BIN3: variants seen among roughly 807,000 people sequenced by gnomAD.
The protein encoded by BIN3 is bridging integrator 3.
BIN3 carries 41 observed loss-of-function variants against 38.2 expected under a neutral mutation model. The ratio of observed to expected loss-of-function variants is 1.07; its 90% confidence interval spans 0.84 to 1.39. The LOEUF (loss-of-function observed/expected upper bound fraction) is 1.39, where lower values mean the gene tolerates loss of function less well. BIN3 is among the 40% of genes most tolerant of loss of function. BIN3 has a pLI of 0.00. For missense variants in BIN3, 361 were observed against 324.3 expected (o/e 1.11, Z -0.87); for synonymous variants, 145 against 122.6 (o/e 1.18, Z -1.21).
chr8:22,648,800 C>T (rs1281745229), intron 1 of BIN3, among the ~76,000 whole-genome samples: 4 of 152,146 alleles, frequency 2.6e-5, no homozygotes, highest in African/African-American at 7.2e-5. Context: ...GGGTTATAAT[C>T]TAATACATTA....
chr8:22,646,411 T>C (rs1045449271), intron 1 of BIN3, among the ~76,000 whole-genome samples: 10 of 152,040 alleles, frequency 6.6e-5, no homozygotes, highest in Non-Finnish European at 1.2e-4. Context: ...CCACACCCCC[T>C]TCTCCCTGAG....
chr8:22,635,562 C>T (rs1180593928), intron 4 of BIN3, among the ~76,000 whole-genome samples: 4 of 152,098 alleles, frequency 2.6e-5, no homozygotes, highest in Non-Finnish European at 5.9e-5. Context: ...ATGACAGGAG[C>T]GGACACCCCG....
At chr8:22,664,789 G>A (rs951706347) in intron 1 of BIN3, among the ~76,000 whole-genome samples, 6 of 152,234 alleles carry the variant, frequency 3.9e-5, no homozygotes, top group East Asian at 1.9e-4. Context: ...ACATAAGCAT[G>A]AAGTCAGACA....
At chr8:22,643,498 G>A (rs1173012394) in intron 2 of BIN3, among the ~76,000 whole-genome samples, 4 of 152,120 alleles carry the variant, frequency 2.6e-5, no homozygotes, top group Non-Finnish European at 5.9e-5. Flanking sequence ...TGGTAGAGTC[G>A]GGGTCTCTCT....
intron 1 of BIN3, among the ~76,000 whole-genome samples, chr8:22,649,010 G>T (rs926287499): frequency 2.6e-5 from 4 of 152,074 alleles, no homozygotes; most frequent in African/African-American, 9.7e-5. Flanking sequence ...TACATTTCCT[G>T]CCTCAGCCCT....
intron 1 of BIN3, among the ~76,000 whole-genome samples, chr8:22,666,315 G>A (rs1302546264): frequency 1.4e-5 from 2 of 143,864 alleles, no homozygotes; most frequent in Admixed American, 7.1e-5. Context: ...GGGGAAAAGG[G>A]AGACAAGAGG....
chr8:22,662,272 C>T (rs1204844456), intron 1 of BIN3, among the ~76,000 whole-genome samples: 1 of 152,214 alleles, frequency 6.6e-6, no homozygotes, highest in Non-Finnish European at 1.5e-5. Context: ...CTCCAATATA[C>T]ACCCCCTCCT....
chr8:22,668,952 A>G, intron 1 of BIN3, 92 bp downstream of exon 1: 1 of 1,512,190 alleles, frequency 6.6e-7, no homozygotes, highest in Non-Finnish European at 9.0e-7. Flanking sequence ...GTCGCGCGGG[A>G]CCGGAGGGAG....
At chr8:22,658,790 G>C (rs1803139134) in intron 1 of BIN3, among the ~76,000 whole-genome samples, 1 of 152,222 alleles carries the variant, frequency 6.6e-6, no homozygotes, top group Non-Finnish European at 1.5e-5. Flanking sequence ...TTGGGGGCGA[G>C]GGAGGTAAGG....
rs1802372698 is a variant in BIN3, at chr8:22,636,547, C to T, written c.138G>A (p.Lys46=). Residue 46 remains lysine (K), a synonymous_variant, in exon 4 of 9, where the codon AAG becomes AAA. Coordinates refer to ENST00000276416, the MANE Select transcript of BIN3 (RefSeq NM_018688.6). The part of the protein sequence containing the change: ...EQTRRLQKDM[K]KSTDADLAMS... Reference sequence around the variant, plus strand: ...TACCCAGGTCTGCGTCGGTGCTCTTCTTCATGTCTTTCTGCAGCCTCCGGG... The same window carrying T: ...TACCCAGGTCTGCGTCGGTGCTCTTTTTCATGTCTTTCTGCAGCCTCCGGG... The T allele has an allele frequency of 2.6e-6, 4 of 1,552,794 alleles. No homozygotes were observed. Among genetic ancestry groups the T allele is most frequent in the Admixed American group, 3.9e-5 (2 of 51,112 alleles).
chr8:22,629,477 A>C (rs1585180504), intron 6 of BIN3, among the ~76,000 whole-genome samples: 2 of 152,070 alleles, frequency 1.3e-5, no homozygotes, highest in Non-Finnish European at 2.9e-5. Flanking sequence ...AAGCTAGAGG[A>C]CCTTCCCGGG....
chr8:22,642,594 A>C (rs1477152660), intron 2 of BIN3, among the ~76,000 whole-genome samples: 1 of 152,238 alleles, frequency 6.6e-6, no homozygotes, highest in African/African-American at 2.4e-5. Flanking sequence ...GATGTAGTTA[A>C]CTGGGGACTT....
chr8:22,624,476 G>T, intron 6 of BIN3, 113 bp from the exon 7 acceptor site: 1 of 1,415,282 alleles, frequency 7.1e-7, no homozygotes, highest in Non-Finnish European at 9.6e-7. Flanking sequence ...TCTTGGAGGG[G>T]CGTCCTGGCC....
At chr8:22,623,301 C>T (rs1479212126) in intron 8 of BIN3, among the ~76,000 whole-genome samples, 2 of 152,186 alleles carry the variant, frequency 1.3e-5, no homozygotes, top group African/African-American at 2.4e-5. Context: ...TCCGTGTCCT[C>T]CCGTCCCCGA....
chr8:22,651,328 C>G (rs1563975327), intron 1 of BIN3, among the ~76,000 whole-genome samples: 1 of 152,234 alleles, frequency 6.6e-6, no homozygotes, highest in Non-Finnish European at 1.5e-5. Context: ...TCCGGACAGT[C>G]TGCCCTGCAA....
Position 22,644,727 on chromosome 8 carries a change from C to T in BIN3, c.57+28G>A, listed in dbSNP as rs747194585. ...AAGGCCATGTGATACAGAACTGAAT[C>T]TCACAGCAAAACAATCGAGTTACTC... On this transcript the variant is annotated intron_variant, in intron 2 of 8. Transcript: ENST00000276416. The T allele has an allele frequency of 1.2e-5, 19 of 1,606,124 alleles. No homozygotes were observed. The South Asian group carries it at 2.0e-4, about 17-fold the overall frequency.
chr8:22,645,039 A>G, intron 1 of BIN3: 2 of 481,084 alleles, frequency 4.2e-6, no homozygotes, highest in Admixed American at 6.6e-5. Flanking sequence ...GCCCCAGAAC[A>G]TCTTTGCTAC....
At chr8:22,651,599 T>C (rs1802892825) in intron 1 of BIN3, among the ~76,000 whole-genome samples, 1 of 152,204 alleles carries the variant, frequency 6.6e-6, no homozygotes, top group African/African-American at 2.4e-5. Context: ...CTGGACATAA[T>C]TTCTGCCAGA....
chr8:22,666,715 A>G (rs1803433293), intron 1 of BIN3, among the ~76,000 whole-genome samples: 1 of 152,178 alleles, frequency 6.6e-6, no homozygotes. Context: ...AATATTGGAC[A>G]TTTCTCACTG....
Sources: allele counts gnomAD v4.1 joint callset (sites outside exome capture counted in the v4.1 genomes callset), GRCh38; gene constraint gnomAD v4.1.1; transcripts MANE v1.5; gene names NCBI Gene and HGNC (gene_info 2026-07-23, HGNC 2026-07-21).